RALYL: variants seen among roughly 807,000 people sequenced by gnomAD.
RALYL encodes the protein RNA-binding Raly-like protein.
Under a neutral mutation model 35.1 loss-of-function variants are expected in RALYL, and 29 were observed. The observed-to-expected ratio is 0.83, with a 90% CI of 0.61 to 1.13. The LOEUF (loss-of-function observed/expected upper bound fraction) is 1.13. RALYL is among the 50% of genes most tolerant of loss of function. The pLI is 0.00. For missense variants in RALYL, 359 were observed against 360.4 expected (o/e 1.00, Z 0.03); for synonymous variants, 120 against 127.6 (o/e 0.94, Z 0.40).
intron 1 of RALYL, among the ~76,000 whole-genome samples, chr8:84,470,574 G>T (rs1317741953): frequency 6.6e-6 from 1 of 151,854 alleles, no homozygotes; most frequent in Non-Finnish European, 1.5e-5. Flanking sequence ...ATGAAATCTT[G>T]CTGGCAATTT....
At chr8:84,385,311 A>G (rs1858940835) in intron 1 of RALYL, among the ~76,000 whole-genome samples, 1 of 151,906 alleles carries the variant, frequency 6.6e-6, no homozygotes, top group Non-Finnish European at 1.5e-5. Context: ...TAAGAGCTAT[A>G]TAAATTAGTT....
chr8:84,819,880 A>C (rs1440209048), intron 4 of RALYL, among the ~76,000 whole-genome samples: 1 of 152,142 alleles, frequency 6.6e-6, no homozygotes, highest in Non-Finnish European at 1.5e-5. Context: ...ACCACTATCT[A>C]ATTTGTTCAT....
intron 1 of RALYL, among the ~76,000 whole-genome samples, chr8:84,323,942 A>G (rs750556656): frequency 6.6e-6 from 1 of 152,138 alleles, no homozygotes; most frequent in South Asian, 2.1e-4. Flanking sequence ...TACAGCAGTT[A>G]TATAATTATC....
At chr8:84,514,090 TA>T (rs57881021) in intron 1 of RALYL, among the ~76,000 whole-genome samples, 1,667 of 41,064 alleles carry the variant, frequency 0.041, 12 homozygotes, top group East Asian at 0.1. Flanking sequence ...AGATTTCATC[TA>T]AAAAAAAAAA....
At position 84,862,355 on chromosome 8, in the gene RALYL, G is replaced by T; in HGVS notation, c.473G>T (p.Arg158Leu). The T allele has an allele frequency of 6.2e-7, 1 of 1,606,472 alleles. No homozygotes were observed. The highest frequency in any genetic ancestry group is 8.5e-7 in the Non-Finnish European group (1 of 1,176,882). ...PPPRAVIPLK[R>L]PRVAVTTTRR... The stretch of plus-strand genomic sequence containing the variant: ...CCCCGTGCAGTAATTCCGCTGAAGC[G>T]TCCCAGAGTGGCAGTCACAACGACT... Residue 158 changes from arginine (R) to leucine (L), a missense_variant, in exon 6 of 9, where the codon CGT becomes CTT. Arg to Leu is a moderately radical substitution (Grantham distance 102, BLOSUM62 -2). Coordinates refer to ENST00000521268, the MANE Select transcript of RALYL (RefSeq NM_173848.7).
At chr8:84,868,263 G>T (rs1839545165) in intron 6 of RALYL, among the ~76,000 whole-genome samples, 2 of 152,152 alleles carry the variant, frequency 1.3e-5, no homozygotes, top group Admixed American at 1.3e-4. Flanking sequence ...CTGGAATGCA[G>T]TGGCATGTAA....
chr8:84,832,017 C>T (rs1201887731), intron 4 of RALYL, among the ~76,000 whole-genome samples: 2 of 151,982 alleles, frequency 1.3e-5, no homozygotes, highest in Non-Finnish European at 2.9e-5. Flanking sequence ...AGAGGAATGA[C>T]AATGTTTAGT....
At chr8:84,685,483 C>G (rs1031384045) in intron 2 of RALYL, among the ~76,000 whole-genome samples, 1 of 152,078 alleles carries the variant, frequency 6.6e-6, no homozygotes, top group African/African-American at 2.4e-5. Flanking sequence ...GTACCTGATT[C>G]TCTCCCAATT....
At chr8:84,864,692 G>C (rs1452754098) in intron 6 of RALYL, 14 of 502,774 alleles carry the variant, frequency 2.8e-5, no homozygotes, top group Non-Finnish European at 4.9e-5. Context: ...GCAAGCCATA[G>C]GCTATAGGTG....
intron 2 of RALYL, among the ~76,000 whole-genome samples, chr8:84,668,786 A>C (rs369221763): frequency 6.6e-6 from 1 of 152,146 alleles, no homozygotes; most frequent in East Asian, 1.9e-4. Flanking sequence ...GGGTAGTTAG[A>C]GCTCAGAAAT....
chr8:84,513,749 A>G (rs2057814555), intron 1 of RALYL, among the ~76,000 whole-genome samples: 1 of 152,116 alleles, frequency 6.6e-6, no homozygotes, highest in Admixed American at 6.6e-5. Context: ...CAAAATATAG[A>G]AGAAACAACA....
chr8:84,514,090 TAAAAAAAAA>T (rs57881021), intron 1 of RALYL, among the ~76,000 whole-genome samples: 9 of 41,158 alleles, frequency 2.2e-4, no homozygotes, highest in African/African-American at 5.4e-4. Context: ...AGATTTCATC[TAAAAAAAAA>T]AAAAAAAAAA....
At chr8:84,546,742 T>A (rs1399266865) in intron 2 of RALYL, among the ~76,000 whole-genome samples, 3 of 152,196 alleles carry the variant, frequency 2.0e-5, no homozygotes, top group African/African-American at 7.2e-5. Context: ...GGTTATCTGA[T>A]CTTTAAAGAA....
intron 2 of RALYL, among the ~76,000 whole-genome samples, chr8:84,765,447 A>T (rs1813690945): frequency 6.6e-6 from 1 of 152,118 alleles, no homozygotes; most frequent in South Asian, 2.1e-4. Flanking sequence ...GGCTTTGCTC[A>T]ATAGGAAAGG....
At chr8:84,388,519 T>G (rs1859801564) in intron 1 of RALYL, among the ~76,000 whole-genome samples, 2 of 152,224 alleles carry the variant, frequency 1.3e-5, no homozygotes, top group Non-Finnish European at 2.9e-5. Flanking sequence ...TCCTGACTTT[T>G]TAATGACTGC....
At chr8:84,285,647 A>C (rs564218601) in intron 1 of RALYL, among the ~76,000 whole-genome samples, 2 of 152,148 alleles carry the variant, frequency 1.3e-5, no homozygotes, top group Admixed American at 6.6e-5. Flanking sequence ...AGTTATAGGG[A>C]TATCTTGGGA....
intron 1 of RALYL, among the ~76,000 whole-genome samples, chr8:84,328,807 G>A (rs538885827): frequency 3.6e-4 from 55 of 152,206 alleles, no homozygotes; most frequent in African/African-American, 1.3e-3. Context: ...TCAACTTTAT[G>A]TCCATGAATG....
intron 2 of RALYL, among the ~76,000 whole-genome samples, chr8:84,648,533 A>G (rs948467430): frequency 3.9e-5 from 6 of 151,992 alleles, no homozygotes; most frequent in East Asian, 3.9e-4. Context: ...TTCCCTGGCC[A>G]TGCTAAACAT....
At chr8:84,443,038 C>T (rs1444932103) in intron 1 of RALYL, among the ~76,000 whole-genome samples, 1 of 152,084 alleles carries the variant, frequency 6.6e-6, no homozygotes, top group Non-Finnish European at 1.5e-5. Flanking sequence ...GTTTGCAAAG[C>T]TAAGAAGGCT....
Sources: allele counts gnomAD v4.1 joint callset (sites outside exome capture counted in the v4.1 genomes callset), GRCh38; gene constraint gnomAD v4.1.1; transcripts MANE v1.5; gene names NCBI Gene and HGNC (gene_info 2026-07-23, HGNC 2026-07-21).